Variants in CACNA2D2 observed in about 807,000 individuals in gnomAD.
The protein encoded by CACNA2D2 is calcium voltage-gated channel auxiliary subunit alpha2delta 2.
A neutral mutation model predicts 166.4 loss-of-function variants in CACNA2D2; 48 were observed. That is an observed-to-expected ratio of 0.29 (90% CI 0.23 to 0.37). The LOEUF (loss-of-function observed/expected upper bound fraction) is 0.37, where lower values mean the gene tolerates loss of function less well. CACNA2D2 is among the 10% of genes least tolerant of loss of function. The probability of loss-of-function intolerance (pLI) is 1.00; values close to 1 mark genes in which losing one functional copy is unlikely to be tolerated. For missense variants in CACNA2D2, 1,122 were observed against 1,433.0 expected (o/e 0.78, Z 3.50); for synonymous variants, 561 against 573.7 (o/e 0.98, Z 0.32).
At chr3:50,372,925 C>G (rs1038998035) in intron 22 of CACNA2D2, 52 of 667,390 alleles carry the variant, frequency 7.8e-5, no homozygotes, top group African/African-American at 3.7e-5. Context: ...AAGGCAAGAA[C>G]TAGAGGAGCC....
At chr3:50,371,331 GGTGA>G (rs1312077312) in intron 22 of CACNA2D2, among the ~76,000 whole-genome samples, 1 of 151,450 alleles carries the variant, frequency 6.6e-6, no homozygotes, top group Non-Finnish European at 1.5e-5. Context: ...TGCATGTGTG[GGTGA>G]GTGAGCATGC....
intron 6 of CACNA2D2, among the ~76,000 whole-genome samples, chr3:50,381,827 C>T (rs1705331611): frequency 6.6e-6 from 1 of 152,072 alleles, no homozygotes; most frequent in African/African-American, 2.4e-5. Context: ...ACCATGGGCA[C>T]AAGGGCACAC....
intron 4 of CACNA2D2, among the ~76,000 whole-genome samples, chr3:50,387,923 C>T (rs1705694028): frequency 6.6e-6 from 1 of 152,216 alleles, no homozygotes; most frequent in Non-Finnish European, 1.5e-5. Context: ...TGCAGAGAGG[C>T]TGGCTGAGGC....
intron 6 of CACNA2D2, 50 bp from the exon 7 acceptor site, chr3:50,381,176 T>C: frequency 6.2e-7 from 1 of 1,604,650 alleles, no homozygotes; most frequent in Admixed American, 1.7e-5. Flanking sequence ...CTGTGTCCTG[T>C]CGAACCCACC....
chr3:50,423,425 T>C (rs1397723362), intron 3 of CACNA2D2, among the ~76,000 whole-genome samples: 1 of 152,234 alleles, frequency 6.6e-6, no homozygotes, highest in Non-Finnish European at 1.5e-5. Flanking sequence ...AGGTAGAGAC[T>C]GCCTGCCCTG....
Position 50,379,386 on chromosome 3 carries a change from G to A in CACNA2D2, c.1152+46C>T. ...GATTTCCTGGGTACACCAAGCCAGG[G>A]CCCTCTACTCCCCCAGCCGCCCACT... is the stretch of plus-strand genomic sequence containing the variant. On this transcript the variant is annotated intron_variant, in intron 11 of 37. Coordinates refer to ENST00000424201, the MANE Select transcript of CACNA2D2 (RefSeq NM_006030.4). The surrounding 1 kb of genome is among the most constrained non-coding windows in gnomAD (Gnocchi z 6.5). The A allele has an allele frequency of 2.5e-6, 4 of 1,602,570 alleles. No homozygotes were observed. Among genetic ancestry groups the A allele is most frequent in the Non-Finnish European group, 3.4e-6 (4 of 1,172,700 alleles).
intron 3 of CACNA2D2, among the ~76,000 whole-genome samples, chr3:50,405,704 G>A (rs1315256935): frequency 6.7e-6 from 1 of 148,368 alleles, no homozygotes; most frequent in African/African-American, 2.7e-5. Context: ...CCTTCAAGGT[G>A]AAGACAACAA....
chr3:50,456,674 C>T (rs1347531228), intron 2 of CACNA2D2, among the ~76,000 whole-genome samples: 2 of 152,238 alleles, frequency 1.3e-5, no homozygotes, highest in African/African-American at 4.8e-5. Flanking sequence ...CTCAGTCCTA[C>T]TTCTCAGCAT....
intron 3 of CACNA2D2, among the ~76,000 whole-genome samples, chr3:50,428,549 G>C (rs575307983): frequency 9.2e-5 from 14 of 152,264 alleles, no homozygotes; most frequent in East Asian, 1.9e-4. Flanking sequence ...TGTGCAGAAG[G>C]GTTTTTAATT....
rs560034530 is a variant in CACNA2D2 at position 50,489,237 on chromosome 3, G to A, written c.207-13038C>T. Among the ~76,000 whole-genome samples the A allele has an allele frequency of 2.6e-5, 4 of 152,276 alleles. No individual in the cohort carries two copies. The East Asian group carries it at 5.8e-4, about 22-fold the overall frequency. On this transcript the variant is annotated intron_variant, in intron 1 of 37. Coordinates refer to ENST00000424201, the MANE Select transcript of CACNA2D2 (RefSeq NM_006030.4). Reference sequence around the variant, plus strand: ...AACCAGGCTTTCTACCACACAGCAGGCATATGCATCAGGGCCCACAGCTCC... The same window carrying A: ...AACCAGGCTTTCTACCACACAGCAGACATATGCATCAGGGCCCACAGCTCC...
chr3:50,488,212 G>A (rs1219750240), intron 1 of CACNA2D2, among the ~76,000 whole-genome samples: 1 of 152,144 alleles, frequency 6.6e-6, no homozygotes, highest in Non-Finnish European at 1.5e-5. Flanking sequence ...ACCGACCGTG[G>A]GCACCAAGGC....
intron 2 of CACNA2D2, among the ~76,000 whole-genome samples, chr3:50,448,445 G>A (rs559965658): frequency 6.6e-6 from 1 of 152,130 alleles, no homozygotes; most frequent in Non-Finnish European, 1.5e-5. Context: ...GTTCACTGGT[G>A]AGCACATAGG....
At chr3:50,501,876 G>A (rs1698979115) in intron 1 of CACNA2D2, among the ~76,000 whole-genome samples, 1 of 152,050 alleles carries the variant, frequency 6.6e-6, no homozygotes, top group South Asian at 2.1e-4. Flanking sequence ...TTCTCCCTGG[G>A]CAACCCCCAA....
chr3:50,380,607 T>G lies in CACNA2D2; in HGVS notation c.842+141A>C, dbSNP rs182784964. ...CTGGGTGATGGGATCCATTTTCCAG[T>G]GGCAACCATGTGTGAAATGAAAATT... On this transcript the variant is annotated intron_variant, in intron 8 of 37. Coordinates refer to ENST00000424201, the MANE Select transcript of CACNA2D2 (RefSeq NM_006030.4). The surrounding 1 kb of genome is among the most constrained non-coding windows in gnomAD (Gnocchi z 4.9). 2.9e-6 allele frequency: 2 copies of G among 695,160 alleles called. No homozygotes were observed. Among genetic ancestry groups the G allele is most frequent in the Admixed American group, 6.9e-5 (2 of 28,868 alleles). The allele number at this position is 695,160 out of a possible 1,614,324, so 43.1% of individuals were successfully genotyped here. A position where few individuals can be genotyped will look rare whatever the true frequency, so the allele number is the denominator to read the frequency against.
intron 2 of CACNA2D2, among the ~76,000 whole-genome samples, 166 bp from the exon 3 acceptor site, chr3:50,434,595 CT>C (rs1708224087): frequency 6.6e-6 from 1 of 152,236 alleles, no homozygotes; most frequent in African/African-American, 2.4e-5. Context: ...CCCCCACAGA[CT>C]TGAAGGCAGG....
intron 6 of CACNA2D2, among the ~76,000 whole-genome samples, chr3:50,382,353 C>G (rs1705365167): frequency 6.6e-6 from 1 of 152,190 alleles, no homozygotes; most frequent in South Asian, 2.1e-4. Context: ...CAGAGACCAC[C>G]TGCAGCAGGC....
At chr3:50,480,303 C>T (rs771753327) in intron 1 of CACNA2D2, among the ~76,000 whole-genome samples, 18 of 152,160 alleles carry the variant, frequency 1.2e-4, no homozygotes, top group Admixed American at 2.0e-4. Context: ...GCTTTTCCAT[C>T]GGTAAACAGG....
rs1324964726 is a variant in CACNA2D2 at position 50,427,592 on chromosome 3, C to T, written c.405+6721G>A. Among the ~76,000 whole-genome samples, 5 of 152,208 alleles carry T rather than the reference C, an allele frequency of 3.3e-5. No individual in the cohort carries two copies. Among genetic ancestry groups the T allele is most frequent in the Admixed American group, 2.6e-4 (4 of 15,288 alleles). The stretch of plus-strand genomic sequence containing the variant: ...AGGGGAGGCAGAAGCCATCGCCAGC[C>T]CCACATAAACACCTTTTAATTGCCC... On this transcript the variant is annotated intron_variant, in intron 3 of 37. Coordinates refer to ENST00000424201, the MANE Select transcript of CACNA2D2 (RefSeq NM_006030.4). This position sits in a 1 kb window ranked among gnomAD's most constrained non-coding sequence, Gnocchi z 4.7.
intron 2 of CACNA2D2, among the ~76,000 whole-genome samples, chr3:50,453,873 C>T (rs1486397965): frequency 6.6e-6 from 1 of 151,848 alleles, no homozygotes; most frequent in African/African-American, 2.4e-5. Context: ...AGGGGAGCCC[C>T]GGTTTGGAGT....
Sources: gnomAD v4.1 joint callset for allele counts (sites outside exome capture counted in the v4.1 genomes callset) on GRCh38, gnomAD v4.1.1 for gene constraint, Gnocchi (gnomAD v3.1) non-coding constraint, MANE v1.5 for transcripts, NCBI Gene and HGNC (gene_info 2026-07-23, HGNC 2026-07-21) for gene names.